TPO: variants seen among roughly 807,000 people sequenced by gnomAD.
TPO encodes thyroid microsomal antigen.
In TPO, 78 loss-of-function variants were observed where a neutral mutation model predicts 96.9. That is an observed-to-expected ratio of 0.81 (90% CI 0.67 to 0.97). The LOEUF is 0.97. Ranked by LOEUF, TPO falls within the 50% of genes least tolerant of loss-of-function variation. The pLI, the probability that TPO is intolerant of heterozygous loss-of-function variation, is 0.00. For synonymous variants in TPO, 547 were observed against 538.0 expected (o/e 1.02, Z -0.23); for missense variants, 1,252 against 1,274.8 (o/e 0.98, Z 0.27).
intron 7 of TPO, among the ~76,000 whole-genome samples, chr2:1,471,287 A>G (rs1669381815): frequency 6.6e-6 from 1 of 152,138 alleles, no homozygotes; most frequent in Non-Finnish European, 1.5e-5. Flanking sequence ...TCGAGCCCAT[A>G]AGTCTTTCCT....
Position 1,496,323 on chromosome 2 carries a change from A to G in TPO, c.2215+126A>G, listed in dbSNP as rs550274281. 2.1e-4 allele frequency: 126 copies of G among 599,356 alleles called. 1 individual carries two copies. In the African/African-American group the frequency reaches 2.4e-3, roughly 12 times the overall value. 37.1% of individuals were successfully genotyped at this position (599,356 alleles called of 1,614,324 possible). On this transcript the variant is annotated intron_variant, in intron 12 of 16. Transcript: ENST00000329066. ...AAATAGTGTCAACGCCCTGCCTTAC[A>G]CCCTCAGGGCAGCTCCTGGGGCGGG...
intron 15 of TPO, among the ~76,000 whole-genome samples, chr2:1,521,738 C>T (rs77095247): frequency 0.077 from 11,730 of 152,076 alleles, 606 homozygotes; most frequent in Middle Eastern, 0.15. Flanking sequence ...AGAGTCAGTA[C>T]GGCGTCTGTG....
At chr2:1,465,207 G>T (rs1668789645) in intron 7 of TPO, among the ~76,000 whole-genome samples, 1 of 152,166 alleles carries the variant, frequency 6.6e-6, no homozygotes, top group Non-Finnish European at 1.5e-5. Flanking sequence ...TCAATTGGCT[G>T]TAAGTATTTG....
intron 5 of TPO, among the ~76,000 whole-genome samples, chr2:1,438,354 T>C (rs1665798132): frequency 6.6e-6 from 1 of 152,182 alleles, no homozygotes; most frequent in Non-Finnish European, 1.5e-5. Flanking sequence ...CTCTAGCGTG[T>C]CTTAAACAGC....
chr2:1,436,226 A>C, intron 4 of TPO, 26 bp from the exon 5 acceptor site: 1 of 1,614,156 alleles, frequency 6.2e-7, no homozygotes, highest in Non-Finnish European at 8.5e-7. Context: ...ACAAGCACAG[A>C]ATTCATGGTT....
intron 15 of TPO, among the ~76,000 whole-genome samples, chr2:1,533,445 GC>G (rs1290078487): frequency 1.2e-3 from 15 of 12,036 alleles, no homozygotes; most frequent in South Asian, 4.4e-3. Flanking sequence ...TCCCGAAATC[GC>G]CCCCACTGTG....
chr2:1,379,957 G>A (rs1661782475), intron 1 of TPO, among the ~76,000 whole-genome samples: 3 of 152,152 alleles, frequency 2.0e-5, no homozygotes, highest in Admixed American at 6.5e-5. Flanking sequence ...ATAGTTCACA[G>A]TTTGGTGATA....
At chr2:1,448,681 T>C (rs1378559609) in intron 5 of TPO, among the ~76,000 whole-genome samples, 1 of 152,120 alleles carries the variant, frequency 6.6e-6, no homozygotes. Flanking sequence ...AGAGCAGTGG[T>C]CGGAGGCTCC....
chr2:1,542,208 A>ACGTGGATCCTCT lies in TPO; in HGVS notation c.2749-212_2749-201dup, dbSNP rs1038709042. 6.1e-6 allele frequency: 4 copies of ACGTGGATCCTCT among 655,676 alleles called. No homozygotes were observed. The African/African-American group carries it at 7.2e-5, about 12-fold the overall frequency. 40.6% of individuals were successfully genotyped at this position (655,676 alleles called of 1,614,324 possible). On this transcript the variant is annotated intron_variant, in intron 16 of 16. Coordinates refer to ENST00000329066, the MANE Select transcript of TPO (RefSeq NM_001206744.2). ...CACTCTGTGAGTAGGAACCTTTGCC[A>ACGTGGATCCTCT]CGTGGATCCTCTGTGGCCTCCTGCA...
chr2:1,381,325 C>T (rs567956058), intron 1 of TPO, among the ~76,000 whole-genome samples: 78 of 152,192 alleles, frequency 5.1e-4, no homozygotes, highest in Non-Finnish European at 9.4e-4. Flanking sequence ...AAAAACAACC[C>T]CATCAAAAAG....
chr2:1,541,008 G>A (rs1232933330), intron 16 of TPO: 30 of 1,389,310 alleles, frequency 2.2e-5, no homozygotes, highest in East Asian at 3.2e-5. Flanking sequence ...TCTGAGGATC[G>A]GCTGGAAGCA....
intron 3 of TPO, among the ~76,000 whole-genome samples, chr2:1,429,121 T>C (rs1042535368): frequency 2.0e-5 from 3 of 152,172 alleles, no homozygotes; most frequent in African/African-American, 7.2e-5. Flanking sequence ...TGGTGAGTGA[T>C]TTGCCCCATC....
intron 5 of TPO, among the ~76,000 whole-genome samples, chr2:1,440,229 C>T (rs1666035039): frequency 1.3e-5 from 2 of 152,290 alleles, no homozygotes. Flanking sequence ...GTGTTGGCTG[C>T]AATGACATCT....
At chr2:1,471,207 T>C (rs1669372230) in intron 7 of TPO, among the ~76,000 whole-genome samples, 1 of 152,198 alleles carries the variant, frequency 6.6e-6, no homozygotes, top group Non-Finnish European at 1.5e-5. Flanking sequence ...TATTTGTGAC[T>C]CTGGTCCTGA....
intron 7 of TPO, among the ~76,000 whole-genome samples, chr2:1,469,679 T>C (rs1669207525): frequency 6.6e-6 from 1 of 152,166 alleles, no homozygotes; most frequent in East Asian, 1.9e-4. Flanking sequence ...CACTCGGCTC[T>C]CTAAATGGAC....
At position 1,496,629 on chromosome 2, in the gene TPO, T is replaced by A; in HGVS notation, c.2250T>A (p.Asn750Lys). 6.2e-7 allele frequency: 1 copy of A among 1,613,802 alleles called. No homozygotes were observed. The highest frequency in any genetic ancestry group is 1.1e-5 in the South Asian group (1 of 91,054). ...DKCGFPESVE[N>K]GDFVHCEESG... ...GTGGCTTCCCAGAGAGCGTGGAGAA[T>A]GGGGACTTTGTGCACTGTGAGGAGT... The change falls in exon 13 of 17, where the codon AAT becomes AAA. Residue 750 changes from asparagine (N) to lysine (K), a missense_variant. Coordinates refer to ENST00000329066, the MANE Select transcript of TPO (RefSeq NM_001206744.2).
intron 15 of TPO, among the ~76,000 whole-genome samples, chr2:1,530,672 A>C (rs1573598318): frequency 1.5e-5 from 1 of 68,878 alleles, no homozygotes; most frequent in Non-Finnish European, 2.6e-5. Flanking sequence ...ACTGTGTGCA[A>C]CCTTCTCAAA....
At chr2:1,450,097 C>CCGTT (rs1418067921) in intron 5 of TPO, among the ~76,000 whole-genome samples, 1 of 152,208 alleles carries the variant, frequency 6.6e-6, no homozygotes, top group Non-Finnish European at 1.5e-5. Flanking sequence ...GAAAGAGGTG[C>CCGTT]CGTTACAGGA....
intron 7 of TPO, among the ~76,000 whole-genome samples, chr2:1,457,726 CA>C (rs1667971209): frequency 6.6e-6 from 1 of 151,918 alleles, no homozygotes; most frequent in Non-Finnish European, 1.5e-5. Flanking sequence ...ACTGTGTGGT[CA>C]CAAGTATATA....
Sources: gnomAD v4.1 joint callset for allele counts (sites outside exome capture counted in the v4.1 genomes callset) on GRCh38, gnomAD v4.1.1 for gene constraint, MANE v1.5 for transcripts, NCBI Gene and HGNC (gene_info 2026-07-23, HGNC 2026-07-21) for gene names.